Variants in ATP9A observed in about 807,000 individuals in gnomAD.
The protein encoded by ATP9A is probable phospholipid-transporting ATPase IIA.
Under a neutral mutation model 144.1 loss-of-function variants are expected in ATP9A, and 52 were observed. That is an observed-to-expected ratio of 0.36 (90% CI 0.29 to 0.45). The LOEUF (loss-of-function observed/expected upper bound fraction) is 0.45. Among genes scored for constraint, ATP9A ranks in the 20% least tolerant of loss-of-function variants. The pLI is 1.00. For missense variants in ATP9A, 947 were observed against 1,392.7 expected (o/e 0.68, Z 5.09); for synonymous variants, 582 against 557.4 (o/e 1.04, Z -0.62).
chr20:51,766,857 T>G (rs2077906376), intron 1 of ATP9A, among the ~76,000 whole-genome samples: 1 of 151,784 alleles, frequency 6.6e-6, no homozygotes, highest in South Asian at 2.1e-4. Flanking sequence ...ATAATAATAC[T>G]AATAATAATA....
rs2077795827 is a variant in ATP9A at position 51,743,800 on chromosome 20, A to G, written c.69-13822T>C. On this transcript the variant is annotated intron_variant, in intron 1 of 27. Coordinates refer to ENST00000338821, the MANE Select transcript of ATP9A (RefSeq NM_006045.3). ...GAGGCGGGCGGATCACGAGGTCAAG[A>G]GATCGAGACCATCCTGGCCAACATG... Among the ~76,000 whole-genome samples the G allele has an allele frequency of 4.6e-5, 7 of 150,840 alleles. No homozygotes were observed. The South Asian group carries it at 1.5e-3, about 32-fold the overall frequency.
chr20:51,760,501 C>G (rs572980946), intron 1 of ATP9A, among the ~76,000 whole-genome samples: 28 of 152,158 alleles, frequency 1.8e-4, no homozygotes, highest in Middle Eastern at 3.4e-3. Context: ...CCAAGGCAGG[C>G]GGATCACCTG....
At chr20:51,729,692 C>T in intron 2 of ATP9A, 142 bp downstream of exon 2, 1 of 933,650 alleles carries the variant, frequency 1.1e-6, no homozygotes, top group South Asian at 3.1e-5. Flanking sequence ...TTGCAGTGAG[C>T]CAAGATTGCG....
At chr20:51,624,838 T>G (rs1377030947) in intron 18 of ATP9A, among the ~76,000 whole-genome samples, 1 of 151,740 alleles carries the variant, frequency 6.6e-6, no homozygotes. Flanking sequence ...AAACCCTCTA[T>G]CTACAAAAAT....
At chr20:51,697,251 CTGTGTG>C (rs10665454) in intron 5 of ATP9A, among the ~76,000 whole-genome samples, 167 bp downstream of exon 5, 1 of 151,192 alleles carries the variant, frequency 6.6e-6, no homozygotes, top group Non-Finnish European at 1.5e-5. Flanking sequence ...GTGTGTGTGT[CTGTGTG>C]TGTGTGTGTC....
At chr20:51,674,388 G>C in intron 10 of ATP9A, 75 bp from the exon 11 acceptor site, 1 of 1,507,492 alleles carries the variant, frequency 6.6e-7, no homozygotes. Context: ...AGGAGGTGGA[G>C]GCTGCAGTGA....
intron 3 of ATP9A, among the ~76,000 whole-genome samples, chr20:51,719,031 G>A (rs142775858): frequency 1.1e-3 from 168 of 151,454 alleles, no homozygotes; most frequent in African/African-American, 3.8e-3. Context: ...AAGAGGCTGC[G>A]GCAGGAGAAT....
rs1311862290 is a variant in ATP9A, at chr20:51,597,728, A to G, written c.*3483T>C. 1 of 152,162 alleles carries G rather than the reference A, an allele frequency of 6.6e-6. No individual in the cohort carries two copies. The highest frequency in any genetic ancestry group is 1.5e-5 in the Non-Finnish European group (1 of 68,030). 9.4% of individuals were successfully genotyped at this position (152,162 alleles called of 1,614,324 possible). Reference sequence around the variant, plus strand: ...CAGTAAAAACAAGACAAAGTATAAAAAGAAAAGTCTGGCGGGGGGTGGGGG... The same window carrying G: ...CAGTAAAAACAAGACAAAGTATAAAGAGAAAAGTCTGGCGGGGGGTGGGGG... On this transcript the variant is annotated 3_prime_UTR_variant, in exon 28 of 28. Transcript: ENST00000338821.
intron 19 of ATP9A, among the ~76,000 whole-genome samples, chr20:51,619,316 C>T (rs2077216601): frequency 6.6e-6 from 1 of 152,220 alleles, no homozygotes; most frequent in Non-Finnish European, 1.5e-5. Context: ...GTAATCCCAG[C>T]ACTTTGGGAG....
intron 8 of ATP9A, 120 bp from the exon 9 acceptor site, chr20:51,689,259 C>T: frequency 9.8e-7 from 1 of 1,021,134 alleles, no homozygotes; most frequent in South Asian, 1.6e-5. Flanking sequence ...ACCTGGAAGC[C>T]CAGTTTGGAA....
chr20:51,617,272 C>G (rs1358459198), intron 22 of ATP9A, among the ~76,000 whole-genome samples: 1 of 151,960 alleles, frequency 6.6e-6, no homozygotes, highest in South Asian at 2.1e-4. Context: ...TTTTTAAATT[C>G]AGGTCGTGGC....
chr20:51,666,542 G>C (rs758463350), intron 13 of ATP9A, among the ~76,000 whole-genome samples: 1 of 152,006 alleles, frequency 6.6e-6, no homozygotes, highest in Admixed American at 6.6e-5. Context: ...TTAGCCGGGC[G>C]TGGTGGCAGG....
At chr20:51,669,600 G>C (rs552336332) in intron 13 of ATP9A, among the ~76,000 whole-genome samples, 1 of 152,166 alleles carries the variant, frequency 6.6e-6, no homozygotes, top group Non-Finnish European at 1.5e-5. Context: ...TCAACCAGCA[G>C]GTTCCTTCTG....
chr20:51,657,226 G>A (rs1165441460), intron 13 of ATP9A, 76 bp from the exon 14 acceptor site: 3 of 1,255,666 alleles, frequency 2.4e-6, no homozygotes, highest in Non-Finnish European at 3.4e-6. Flanking sequence ...CAGCCGTGCA[G>A]CTATTGTTTC....
At chr20:51,755,053 G>A (rs1445855447) in intron 1 of ATP9A, among the ~76,000 whole-genome samples, 1 of 152,162 alleles carries the variant, frequency 6.6e-6, no homozygotes, top group South Asian at 2.1e-4. Flanking sequence ...AGGAGCCGGA[G>A]GCTGCAGTGA....
intron 21 of ATP9A, 96 bp from the exon 22 acceptor site, chr20:51,617,650 C>T: frequency 1.4e-6 from 2 of 1,412,708 alleles, no homozygotes; most frequent in African/African-American, 1.4e-5. Context: ...TTTCACGGAG[C>T]GCTTGCTGAG....
intron 3 of ATP9A, among the ~76,000 whole-genome samples, chr20:51,715,832 T>C (rs1026715572): frequency 6.6e-6 from 1 of 152,074 alleles, no homozygotes; most frequent in Non-Finnish European, 1.5e-5. Context: ...GAAGCTTTAA[T>C]GGGCAGGGGA....
At chr20:51,758,674 C>T (rs769340615) in intron 1 of ATP9A, among the ~76,000 whole-genome samples, 1 of 152,282 alleles carries the variant, frequency 6.6e-6, no homozygotes, top group Non-Finnish European at 1.5e-5. Flanking sequence ...TGCTTGTAAT[C>T]CCAGCACTTT....
chr20:51,613,741 T>C lies in ATP9A; in HGVS notation c.2507A>G (p.Tyr836Cys), dbSNP rs764672974. The change falls in exon 23 of 28, where the codon TAC becomes TGC. Residue 836 changes from tyrosine (Y) to cysteine (C), a missense_variant. Physicochemically the swap from Tyr to Cys is radical, Grantham distance 194. Transcript: ENST00000338821. ...CTGGCTGAGGGCGGCTGACCGCTTG[T>C]AGCTGTTCCGGCCATGCACCATAAG... ...RLLMVHGRNS[Y>C]KRSAALSQFV... The C allele has an allele frequency of 1.2e-6, 2 of 1,614,194 alleles. No individual in the cohort carries two copies. The highest frequency in any genetic ancestry group is 1.7e-6 in the Non-Finnish European group (2 of 1,180,028).
Sources: gnomAD v4.1 joint callset for allele counts (sites outside exome capture counted in the v4.1 genomes callset) on GRCh38, gnomAD v4.1.1 for gene constraint, MANE v1.5 for transcripts, NCBI Gene and HGNC (gene_info 2026-07-23, HGNC 2026-07-21) for gene names.